The following KDM4B variants were observed in gnomAD, a reference collection of about 807,000 sequenced individuals.
KDM4B encodes lysine demethylase 4B.
KDM4B carries 32 observed loss-of-function variants against 125.2 expected under a neutral mutation model. The ratio of observed to expected loss-of-function variants is 0.26; its 90% CI spans 0.19 to 0.34. KDM4B has a LOEUF of 0.34. Among genes scored for constraint, KDM4B ranks in the 10% least tolerant of loss-of-function variants. The pLI, the probability that KDM4B is intolerant of heterozygous loss-of-function variation, is 1.00. For synonymous variants in KDM4B, 721 were observed against 677.9 expected (o/e 1.06, Z -0.99); for missense variants, 1,190 against 1,577.7 (o/e 0.75, Z 4.16).
chr19:5,097,679 G>A (rs1303269262), intron 9 of KDM4B, among the ~76,000 whole-genome samples: 1 of 152,258 alleles, frequency 6.6e-6, no homozygotes, highest in African/African-American at 2.4e-5. Flanking sequence ...GCAGAGGACC[G>A]CTGCCCTGTG....
chr19:5,044,916 A>G (rs980981768), intron 5 of KDM4B, among the ~76,000 whole-genome samples: 2 of 152,066 alleles, frequency 1.3e-5, no homozygotes, highest in Non-Finnish European at 2.9e-5. Flanking sequence ...TCCATTTTTC[A>G]TGGCTTGAGA....
In KDM4B at chr19:5,152,414, C is replaced by T. The variant is rs1003794958; in HGVS notation, c.*903C>T. 2 of 152,322 alleles carry T rather than the reference C, an allele frequency of 1.3e-5. No individual in the cohort carries two copies. The highest frequency in any genetic ancestry group is 4.1e-4 in the South Asian group (2 of 4,834). The allele number at this position is 152,322 out of a possible 1,614,324, so 9.4% of individuals were successfully genotyped here. On this transcript the variant is annotated 3_prime_UTR_variant, in exon 23 of 23. Transcript: ENST00000159111. ...GGTGTTCCAGAGGCTTCCTTGCAGA[C>T]AAAGCACCCCTGCACCTCCTATGGC... is the stretch of plus-strand genomic sequence containing the variant.
intron 3 of KDM4B, among the ~76,000 whole-genome samples, chr19:5,033,340 T>C (rs1344735514): frequency 6.6e-6 from 1 of 152,132 alleles, no homozygotes; most frequent in Non-Finnish European, 1.5e-5. Context: ...CAGGTTGTTC[T>C]GGCCGTGAGC....
intron 1 of KDM4B, among the ~76,000 whole-genome samples, chr19:5,013,287 C>G (rs909614261): frequency 1.3e-5 from 2 of 152,166 alleles, no homozygotes; most frequent in Non-Finnish European, 2.9e-5. Flanking sequence ...AGGGGAGACC[C>G]AGGATCCCGT....
rs112218325 is a variant in KDM4B, at chr19:5,035,882, C to T, written c.141+2851C>T. On this transcript the variant is annotated intron_variant, in intron 3 of 22. Transcript: ENST00000159111. This position sits in a 1 kb window ranked among gnomAD's most constrained non-coding sequence, Gnocchi z 5.3. ...GTGTCTCTGTGTGTGTGTGTGTGTG[C>T]GCGCGCGCGCGCGCCTGCGCGCACA... Among the ~76,000 whole-genome samples, 40,429 of 86,140 alleles carry T rather than the reference C, an allele frequency of 0.47. 6,386 individuals carry two copies. Among genetic ancestry groups the T allele is most frequent in the East Asian group, 0.68 (3,086 of 4,562 alleles). The allele number at this position is 86,140 out of a possible 152,430, so 56.5% of individuals were successfully genotyped here.
At chr19:5,042,688 G>A (rs770772251) in intron 5 of KDM4B, among the ~76,000 whole-genome samples, 1 of 151,546 alleles carries the variant, frequency 6.6e-6, no homozygotes, top group Non-Finnish European at 1.5e-5. Flanking sequence ...GTGAGGGGGG[G>A]GGCGCCGTAG....
chr19:5,045,624 A>C (rs373017316), intron 5 of KDM4B, among the ~76,000 whole-genome samples: 4 of 150,808 alleles, frequency 2.7e-5, no homozygotes, highest in African/African-American at 9.8e-5. Flanking sequence ...TACGGTGCCC[A>C]CCACCACGCC....
At chr19:5,080,652 AC>A (rs1326830304) in intron 8 of KDM4B, 4 of 152,218 alleles carry the variant, frequency 2.6e-5, no homozygotes, top group African/African-American at 9.7e-5. Flanking sequence ...TTTCTTGGAA[AC>A]GGAAGCATGT....
At chr19:5,071,783 G>A (rs933188850) in intron 7 of KDM4B, among the ~76,000 whole-genome samples, 8 of 152,062 alleles carry the variant, frequency 5.3e-5, no homozygotes, top group Non-Finnish European at 1.0e-4. Flanking sequence ...CCATGTCAGC[G>A]CCGGCATCAC....
intron 9 of KDM4B, among the ~76,000 whole-genome samples, chr19:5,087,941 G>A (rs1449402766): frequency 2.6e-5 from 4 of 152,180 alleles, no homozygotes; most frequent in Non-Finnish European, 4.4e-5. Flanking sequence ...AGGGCACCGG[G>A]CAGCACAGGT....
In KDM4B at chr19:5,111,403, C is replaced by T. The variant is rs374411294; in HGVS notation, c.1115+585C>T. The T allele has an allele frequency of 1.5e-4, 116 of 765,318 alleles. 1 individual carries two copies. The highest frequency in any genetic ancestry group is 2.5e-4 in the Non-Finnish European group (104 of 417,882). The allele number at this position is 765,318 out of a possible 1,614,324, so 47.4% of individuals were successfully genotyped here. On this transcript the variant is annotated intron_variant, in intron 10 of 22. Transcript: ENST00000159111. ...CCCTCCCTGCGTATCGCCGCACAGA[C>T]CCTCCCAGCCAGGTATCTGGTGTCC...
intron 1 of KDM4B, among the ~76,000 whole-genome samples, chr19:4,993,289 A>AG (rs1259387227): frequency 6.6e-6 from 1 of 152,028 alleles, no homozygotes. Flanking sequence ...GCATGCCTGT[A>AG]TTCCAGCTAC....
chr19:5,047,333 G>T (rs2037057313), intron 5 of KDM4B, 143 bp from the exon 6 acceptor site: 3 of 705,602 alleles, frequency 4.3e-6, no homozygotes, highest in South Asian at 1.9e-5. Flanking sequence ...GGTATGACCG[G>T]CCCCTGGGGG....
intron 9 of KDM4B, among the ~76,000 whole-genome samples, chr19:5,089,842 TTGCTTCGTTGG>T (rs1194188658): frequency 6.6e-6 from 1 of 152,136 alleles, no homozygotes; most frequent in Non-Finnish European, 1.5e-5. Flanking sequence ...TTTGTTGTTG[TTGCTTCGTTGG>T]TTTGTTTTCA....
rs183185653 is a variant in KDM4B, at chr19:5,101,187, G to T, written c.919-9435G>T. On this transcript the variant is annotated intron_variant, in intron 9 of 22. Coordinates refer to ENST00000159111, the MANE Select transcript of KDM4B (RefSeq NM_015015.3). ...CAGTGAACCGAGGTTGTGCCATTGC[G>T]CTCCAACCTGGGCAACAAGAGCAAG... 5.1e-3 allele frequency among the ~76,000 whole-genome samples: 712 copies of T among 138,510 alleles called. 9 individuals are homozygous for T. Among genetic ancestry groups the T allele is most frequent in the African/African-American group, 0.018 (657 of 36,364 alleles). The allele number at this position is 138,510 out of a possible 152,430, so 90.9% of individuals were successfully genotyped here.
At position 5,047,506 on chromosome 19, in the gene KDM4B, C is replaced by T. The variant is rs764352236; in HGVS notation, c.463C>T (p.Arg155Trp). The T allele has an allele frequency of 5.6e-6, 9 of 1,612,670 alleles. No homozygotes were observed. The highest frequency in any genetic ancestry group is 5.9e-6 in the Non-Finnish European group (7 of 1,179,326). Residue 155 changes from arginine (R) to tryptophan (W), a missense_variant, in exon 6 of 23, where the codon CGG (arginine) becomes TGG (tryptophan). Transcript: ENST00000159111. ...DVAQWNIGSLRTILDMVEREC... is the reference protein window; with the variant it reads ...DVAQWNIGSLWTILDMVEREC... Reference sequence around the variant, plus strand: ...GGCCCAGTGGAACATCGGGAGCCTCCGGACCATCCTGGACATGGTGGAGCG... The same window carrying T: ...GGCCCAGTGGAACATCGGGAGCCTCTGGACCATCCTGGACATGGTGGAGCG...
chr19:5,027,544 G>GTT lies in KDM4B; in HGVS notation c.-25-5306_-25-5305dup, dbSNP rs565728081. On this transcript the variant is annotated intron_variant, in intron 2 of 22. Transcript: ENST00000159111. Reference sequence around the variant, plus strand: ...CCTCCCTTTCTTCTCTCTCTTTTCAGTTTTTTTTTTTTTTTTTGAGACGGA... The same window carrying GTT: ...CCTCCCTTTCTTCTCTCTCTTTTCAGTTTTTTTTTTTTTTTTTTTGAGACGGA... Among the ~76,000 whole-genome samples, 941 of 134,610 alleles carry GTT rather than the reference G, an allele frequency of 7.0e-3. 22 individuals are homozygous for GTT. Among genetic ancestry groups the GTT allele is most frequent in the African/African-American group, 0.024 (842 of 35,492 alleles). 88.3% of individuals were successfully genotyped at this position (134,610 alleles called of 152,430 possible).
In KDM4B at chr19:5,033,298, C is replaced by T. The variant is rs1326513154; in HGVS notation, c.141+267C>T. ...AGGGGGTGGTGAGGACACACAGCCA[C>T]ACTGCAGTGAAGCCCAGGGGCAGTG... is the stretch of plus-strand genomic sequence containing the variant. On this transcript the variant is annotated intron_variant, in intron 3 of 22. Coordinates refer to ENST00000159111, the MANE Select transcript of KDM4B (RefSeq NM_015015.3). 5.9e-5 allele frequency among the ~76,000 whole-genome samples: 9 copies of T among 152,376 alleles called. No individual in the cohort carries two copies. In the East Asian group the frequency reaches 1.5e-3, roughly 26 times the overall value.
chr19:5,147,347 C>T (rs569960831), intron 21 of KDM4B, among the ~76,000 whole-genome samples: 13 of 152,288 alleles, frequency 8.5e-5, no homozygotes, highest in African/African-American at 3.1e-4. Flanking sequence ...ACCCTGGTGG[C>T]GAAGGAAGTG....
Sources: allele counts gnomAD v4.1 joint callset (sites outside exome capture counted in the v4.1 genomes callset), GRCh38; gene constraint gnomAD v4.1.1; non-coding constraint Gnocchi (gnomAD v3.1); transcripts MANE v1.5; gene names NCBI Gene and HGNC (gene_info 2026-07-23, HGNC 2026-07-21).